The following ERCC6 variants were observed in gnomAD, a reference collection of about 807,000 sequenced individuals.
ERCC6 encodes the protein ERCC excision repair 6, chromatin remodeling factor.
A neutral mutation model predicts 158.7 loss-of-function variants in ERCC6; 116 were observed. The observed-to-expected ratio is 0.73, with a 90% CI of 0.63 to 0.85. ERCC6 has a LOEUF of 0.85. ERCC6 is among the 40% of genes least tolerant of loss of function. The pLI is 0.00. For missense variants in ERCC6, 1,698 were observed against 1,799.4 expected (o/e 0.94, Z 1.02); for synonymous variants, 678 against 659.3 (o/e 1.03, Z -0.43).
intron 7 of ERCC6, among the ~76,000 whole-genome samples, chr10:49,494,138 C>T (rs1251092914): frequency 1.3e-5 from 2 of 152,174 alleles, no homozygotes; most frequent in Non-Finnish European, 2.9e-5. Flanking sequence ...AAAGCATGGG[C>T]CAGTGGTTAG....
chr10:49,473,664 GT>G, intron 13 of ERCC6, 77 bp from the exon 14 acceptor site: 1 of 857,138 alleles, frequency 1.2e-6, no homozygotes, highest in Non-Finnish European at 2.0e-6. Context: ...TGTGTAAATG[GT>G]AACACCTTCC....
chr10:49,514,388 C>T (rs1460663311), intron 5 of ERCC6, among the ~76,000 whole-genome samples: 1 of 152,146 alleles, frequency 6.6e-6, no homozygotes, highest in Non-Finnish European at 1.5e-5. Flanking sequence ...CATACCAACA[C>T]ACAAAAGGGA....
rs572528922 is a variant in ERCC6, at chr10:49,475,972, G to A, written c.2382+243C>T. On this transcript the variant is annotated intron_variant, in intron 12 of 20. Transcript: ENST00000355832. ...CTGCACAGCTCGCAGCTGCATTTGC[G>A]TCTGGGTTCAGATCCACAGCACACA... Among the ~76,000 whole-genome samples the A allele has an allele frequency of 1.2e-4, 19 of 152,270 alleles. No individual in the cohort carries two copies. In the East Asian group the frequency reaches 1.4e-3, roughly 11 times the overall value.
intron 5 of ERCC6, chr10:49,515,285 C>T (rs201099950): frequency 1.3e-6 from 2 of 1,560,240 alleles, no homozygotes; most frequent in East Asian, 2.2e-5. Flanking sequence ...CTACACTGTA[C>T]ATAATGTATA....
At chr10:49,466,542 T>G (rs539093662) in intron 18 of ERCC6, among the ~76,000 whole-genome samples, 2 of 152,330 alleles carry the variant, frequency 1.3e-5, no homozygotes, top group South Asian at 4.1e-4. Flanking sequence ...TGTGACATTA[T>G]GTACATACCA....
At chr10:49,464,199 G>C (rs1850631602) in intron 18 of ERCC6, among the ~76,000 whole-genome samples, 1 of 152,186 alleles carries the variant, frequency 6.6e-6, no homozygotes, top group South Asian at 2.1e-4. Flanking sequence ...GGAACTTGTT[G>C]GGAATTGGAG....
intron 5 of ERCC6, among the ~76,000 whole-genome samples, chr10:49,521,156 T>A (rs1269267741): frequency 6.6e-6 from 1 of 152,190 alleles, no homozygotes; most frequent in Non-Finnish European, 1.5e-5. Context: ...ATTGTTGACA[T>A]GAAAGCAAAG....
Position 49,482,804 on chromosome 10 carries a change from C to T in ERCC6, c.2052G>A (p.Glu684=), listed in dbSNP as rs2132551802. The T allele has an allele frequency of 6.2e-7, 1 of 1,614,042 alleles. No individual in the cohort carries two copies. Among genetic ancestry groups the T allele is most frequent in the South Asian group, 1.1e-5 (1 of 91,048 alleles). The change falls in exon 10 of 21, where the codon GAG becomes GAA. Residue 684 remains glutamate (E), a synonymous_variant. Transcript: ENST00000355832. The part of the protein sequence containing the change: ...SGSPMQNNLR[E]LWSLFDFIFP... ...AGATGAAGTCAAAGAGCGACCACAGCTCTCGGAGGTTATTTTGCATCGGTG... is the reference window on the plus strand; with the variant it reads ...AGATGAAGTCAAAGAGCGACCACAGTTCTCGGAGGTTATTTTGCATCGGTG...
intron 1 of ERCC6, among the ~76,000 whole-genome samples, chr10:49,533,731 A>C (rs1238442992): frequency 6.6e-6 from 1 of 152,208 alleles, no homozygotes. Context: ...TGAGCCTGGG[A>C]GATGGAGGCT....
rs573412376 is a variant in ERCC6, at chr10:49,473,952, A to G, written c.2598+75T>C. On this transcript the variant is annotated intron_variant, in intron 13 of 20. Coordinates refer to ENST00000355832, the MANE Select transcript of ERCC6 (RefSeq NM_000124.4). ...ACTTGCTTCAGAATCATTACTTTAG[A>G]TTGAATCCCATTTTGTGAGTTGATG... The G allele has an allele frequency of 3.0e-6, 4 of 1,313,462 alleles. No homozygotes were observed. In the South Asian group the frequency reaches 4.7e-5, roughly 16 times the overall value. 81.4% of individuals were successfully genotyped at this position (1,313,462 alleles called of 1,614,324 possible).
chr10:49,530,938 T>C lies in ERCC6; in HGVS notation c.423-98A>G. On this transcript the variant is annotated intron_variant, in intron 2 of 20. Coordinates refer to ENST00000355832, the MANE Select transcript of ERCC6 (RefSeq NM_000124.4). ...CTAAAAACATGTCCCTTTTACTTCT[T>C]ATTAACTAAAAGATAAAGGAAACTA... 1.3e-6 allele frequency: 2 copies of C among 1,509,572 alleles called. 1 individual carries two copies. The highest frequency in any genetic ancestry group is 2.4e-5 in the South Asian group (2 of 83,364). The allele number at this position is 1,509,572 out of a possible 1,614,324, so 93.5% of individuals were successfully genotyped here. A position where few individuals can be genotyped will look rare whatever the true frequency, so the allele number is the denominator to read the frequency against.
At chr10:49,493,491 A>C (rs979788097) in intron 7 of ERCC6, among the ~76,000 whole-genome samples, 3 of 152,224 alleles carry the variant, frequency 2.0e-5, no homozygotes, top group Non-Finnish European at 4.4e-5. Flanking sequence ...AACACTTAAT[A>C]ATATATTAAG....
intron 6 of ERCC6, chr10:49,501,596 A>G (rs1047154500): frequency 6.6e-6 from 1 of 152,168 alleles, no homozygotes; most frequent in African/African-American, 2.4e-5. Flanking sequence ...GAAACACTTA[A>G]CAACAGGGAA....
the ERCC6 span, among the ~76,000 whole-genome samples, chr10:49,448,073 C>T: frequency 8.5e-5 from 13 of 152,306 alleles, no homozygotes; most frequent in African/African-American, 3.1e-4. Flanking sequence ...ATTGTTGGAT[C>T]ATATGGTAAT....
At position 49,457,119 on chromosome 10, in the gene ERCC6, C is replaced by T. The variant is rs192300032; in HGVS notation, c.*1696G>A. The stretch of plus-strand genomic sequence containing the variant: ...AAGGAAGACACAATTTCCTTATAGG[C>T]TAATGATTATAAAAATAGAAATTAA... On this transcript the variant is annotated 3_prime_UTR_variant, in exon 21 of 21. Coordinates refer to ENST00000355832, the MANE Select transcript of ERCC6 (RefSeq NM_000124.4). 2.0e-5 allele frequency: 3 copies of T among 152,174 alleles called. No homozygotes were observed. Among genetic ancestry groups the T allele is most frequent in the African/African-American group, 7.2e-5 (3 of 41,446 alleles). 9.4% of individuals were successfully genotyped at this position (152,174 alleles called of 1,614,324 possible).
chr10:49,438,988 G>A, the ERCC6 span, among the ~76,000 whole-genome samples: 1 of 152,208 alleles, frequency 6.6e-6, no homozygotes, highest in Non-Finnish European at 1.5e-5. Flanking sequence ...GCTTTGCAGG[G>A]TACAGACTCC....
At chr10:49,486,919 C>T (rs530035963) in intron 8 of ERCC6, among the ~76,000 whole-genome samples, 16 of 152,290 alleles carry the variant, frequency 1.1e-4, no homozygotes, top group African/African-American at 2.2e-4. Context: ...TGTGCATACA[C>T]GCCTCTAAAC....
At chr10:49,529,387 C>T (rs1837416994) in intron 3 of ERCC6, among the ~76,000 whole-genome samples, 1 of 152,208 alleles carries the variant, frequency 6.6e-6, no homozygotes, top group Non-Finnish European at 1.5e-5. Context: ...GACAAGAATG[C>T]ATAATTAAGT....
At chr10:49,492,229 T>G (rs1262994084) in intron 8 of ERCC6, among the ~76,000 whole-genome samples, 1 of 152,128 alleles carries the variant, frequency 6.6e-6, no homozygotes, top group Non-Finnish European at 1.5e-5. Flanking sequence ...TCCCCGTGCA[T>G]CTGACTCCGT....
Sources: allele counts gnomAD v4.1 joint callset (sites outside exome capture counted in the v4.1 genomes callset), GRCh38; gene constraint gnomAD v4.1.1; transcripts MANE v1.5; gene names NCBI Gene and HGNC (gene_info 2026-07-23, HGNC 2026-07-21).